BDH1: variants seen among roughly 807,000 people sequenced by gnomAD.
BDH1 encodes the protein D-beta-hydroxybutyrate dehydrogenase, mitochondrial.
Under a neutral mutation model 33.1 loss-of-function variants are expected in BDH1, and 30 were observed. The observed-to-expected ratio is 0.91, with a 90% CI of 0.68 to 1.23. The LOEUF (loss-of-function observed/expected upper bound fraction) is 1.23, where lower values mean the gene tolerates loss of function less well. BDH1 is among the 50% of genes most tolerant of loss of function. BDH1 has a pLI of 0.00. For missense variants in BDH1, 443 were observed against 464.4 expected (o/e 0.95, Z 0.42); for synonymous variants, 190 against 183.6 (o/e 1.03, Z -0.28).
chr3:197,522,085 G>A lies in BDH1; in HGVS notation c.409+555C>T, dbSNP rs951838304. Among the ~76,000 whole-genome samples the A allele has an allele frequency of 1.3e-5, 2 of 152,002 alleles. No individual in the cohort carries two copies. The highest frequency in any genetic ancestry group is 2.9e-5 in the Non-Finnish European group (2 of 67,992). ...TCCCACCACTTGACCAACAGCCCCC[G>A]CTACCCTCCCCGTGCTCCTCGAAGC... On this transcript the variant is annotated intron_variant, in intron 6 of 7. Transcript: ENST00000392379. The surrounding 1 kb of genome is among the most constrained non-coding windows in gnomAD (Gnocchi z 4.8).
At chr3:197,569,137 T>C (rs1400157004) in intron 1 of BDH1, among the ~76,000 whole-genome samples, 1 of 152,226 alleles carries the variant, frequency 6.6e-6, no homozygotes, top group African/African-American at 2.4e-5. Context: ...CACCCAAGTC[T>C]GTCCTACTCC....
At chr3:197,566,946 AC>A (rs1717451839) in intron 1 of BDH1, among the ~76,000 whole-genome samples, 1 of 152,180 alleles carries the variant, frequency 6.6e-6, no homozygotes, top group Admixed American at 6.5e-5. Flanking sequence ...AATAATAGCA[AC>A]CTTATTTACA....
In BDH1 at chr3:197,516,065, G is replaced by A. The variant is rs2567330; in HGVS notation, c.410-1649C>T. Among the ~76,000 whole-genome samples the A allele has an allele frequency of 0.077, 11,753 of 152,184 alleles. 612 individuals carry two copies. The highest frequency in any genetic ancestry group is 0.14 in the Middle Eastern group (41 of 294). On this transcript the variant is annotated intron_variant, in intron 6 of 7. Transcript: ENST00000392379. The surrounding 1 kb of genome is among the most constrained non-coding windows in gnomAD (Gnocchi z 4.2). The stretch of plus-strand genomic sequence containing the variant: ...TCTTCACTCTCCTCAGGCTCGCTAC[G>A]ATATGAGTACTGCCAGTACTCCTTG...
At chr3:197,544,707 G>T (rs1214647021) in intron 3 of BDH1, among the ~76,000 whole-genome samples, 1 of 152,238 alleles carries the variant, frequency 6.6e-6, no homozygotes. Flanking sequence ...TCAGGTAGGT[G>T]GAGCCCCAGC....
At chr3:197,550,706 T>G (rs1224091142) in intron 2 of BDH1, among the ~76,000 whole-genome samples, 217 of 109,406 alleles carry the variant, frequency 2.0e-3, no homozygotes, top group African/African-American at 2.7e-3. Context: ...CTGCAGGGGG[T>G]GGGGGGATAA....
In BDH1 at chr3:197,554,327, C is replaced by T. The variant is rs762577653; in HGVS notation, c.-44+235G>A. On this transcript the variant is annotated intron_variant, in intron 2 of 7. Coordinates refer to ENST00000392379, the MANE Select transcript of BDH1 (RefSeq NM_203314.3). The surrounding 1 kb of genome is among the most constrained non-coding windows in gnomAD (Gnocchi z 4.4). ...CAAGCCCCCATCCTACCACCAATCC[C>T]CACCCGGACTGTGAGCACCCTACAG... 4 of 152,266 alleles carry T rather than the reference C, an allele frequency of 2.6e-5. No homozygotes were observed. The highest frequency in any genetic ancestry group is 5.9e-5 in the Non-Finnish European group (4 of 68,074). 9.4% of individuals were successfully genotyped at this position (152,266 alleles called of 1,614,324 possible). A position where few individuals can be genotyped will look rare whatever the true frequency, so the allele number is the denominator to read the frequency against.
At chr3:197,562,952 C>T (rs138775678) in intron 1 of BDH1, among the ~76,000 whole-genome samples, 74 of 152,208 alleles carry the variant, frequency 4.9e-4, no homozygotes, top group African/African-American at 1.7e-3. Flanking sequence ...GTTCCTAGTC[C>T]GTTTTTCTCT....
intron 5 of BDH1, chr3:197,529,111 C>T (rs375395557): frequency 3.9e-5 from 6 of 152,346 alleles, no homozygotes; most frequent in Middle Eastern, 6.8e-3. Flanking sequence ...CCTCCCCAGA[C>T]GGGTTCTCTT....
Position 197,512,193 on chromosome 3 carries a change from G to A in BDH1, c.734C>T (p.Thr245Ile). Residue 245 changes from threonine (T) to isoleucine (I), a missense_variant, in exon 8 of 8, where the codon ACC (threonine) becomes ATC (isoleucine). Physicochemically the swap from Thr to Ile is moderately conservative, Grantham distance 89 (BLOSUM62 -1). Coordinates refer to ENST00000392379, the MANE Select transcript of BDH1 (RefSeq NM_203314.3). The stretch of plus-strand genomic sequence containing the variant: ...AATGCTCTCAGGGCTGTAAAGGCTG[G>A]TGGCAGCGATGAAGTTGCCGGGCTC... ...VVEPGNFIAA[T>I]SLYSPESIQA... 1 of 1,614,078 alleles carries A rather than the reference G, an allele frequency of 6.2e-7. No homozygotes were observed. Among genetic ancestry groups the A allele is most frequent in the African/African-American group, 1.3e-5 (1 of 75,042 alleles).
chr3:197,518,411 C>G (rs1173125615), intron 6 of BDH1, among the ~76,000 whole-genome samples: 1 of 31,508 alleles, frequency 3.2e-5, no homozygotes, highest in African/African-American at 1.3e-4. Flanking sequence ...TCCATCCCCC[C>G]CTCAGGCCGA....
At chr3:197,562,758 GA>G (rs560572174) in intron 1 of BDH1, among the ~76,000 whole-genome samples, 33 of 140,668 alleles carry the variant, frequency 2.3e-4, no homozygotes, top group African/African-American at 2.3e-4. Context: ...TTCCTTTTAA[GA>G]AAAAAAAAAA....
At chr3:197,547,058 T>C (rs1305218665) in intron 2 of BDH1, among the ~76,000 whole-genome samples, 1 of 152,158 alleles carries the variant, frequency 6.6e-6, no homozygotes, top group Non-Finnish European at 1.5e-5. Context: ...TAATTCATTA[T>C]AGCATAGAGT....
chr3:197,549,588 C>G (rs1337926710), intron 2 of BDH1, among the ~76,000 whole-genome samples: 1 of 152,190 alleles, frequency 6.6e-6, no homozygotes, highest in Non-Finnish European at 1.5e-5. Context: ...GACATGAAGC[C>G]TACATGGGCC....
intron 5 of BDH1, 142 bp downstream of exon 5, chr3:197,532,270 C>G (rs1019752139): frequency 2.0e-5 from 13 of 656,360 alleles, no homozygotes; most frequent in Non-Finnish European, 3.0e-5. Flanking sequence ...CTATGAAGAA[C>G]AAGTGGGACT....
intron 1 of BDH1, among the ~76,000 whole-genome samples, chr3:197,568,472 T>C (rs972072251): frequency 6.6e-6 from 1 of 152,074 alleles, no homozygotes; most frequent in African/African-American, 2.4e-5. Context: ...CAGCTGATCT[T>C]AACGTGACTG....
chr3:197,554,795 C>G lies in BDH1; in HGVS notation c.-195-82G>C, dbSNP rs1007722699. The G allele has an allele frequency of 1.3e-5, 2 of 152,174 alleles. No homozygotes were observed. The highest frequency in any genetic ancestry group is 2.9e-5 in the Non-Finnish European group (2 of 68,044). The allele number at this position is 152,174 out of a possible 1,614,324, so 9.4% of individuals were successfully genotyped here. A position where few individuals can be genotyped will look rare whatever the true frequency, so the allele number is the denominator to read the frequency against. On this transcript the variant is annotated intron_variant, in intron 1 of 7. Transcript: ENST00000392379. This position sits in a 1 kb window ranked among gnomAD's most constrained non-coding sequence, Gnocchi z 4.4. ...TCCCCAGAAGGGCGCAGCCTGGAGG[C>G]GGCCGCGCGCAGGACGCACGCCCAA...
rs866107498 is a variant in BDH1, at chr3:197,564,319, T to A, written c.-44+8862A>T. On this transcript the variant is annotated intron_variant, in intron 1 of 6. Coordinates refer to the BDH1 transcript ENST00000358186. ...TAAGTCACAATAAGAGGATTTATTT[T>A]AAAAAAACCTATATGATCAAGTTGT... Among the ~76,000 whole-genome samples the A allele has an allele frequency of 3.9e-3, 586 of 151,876 alleles. 3 individuals are homozygous for A. Among genetic ancestry groups the A allele is most frequent in the African/African-American group, 0.013 (549 of 41,344 alleles).
At chr3:197,546,229 G>A (rs1716067024) in intron 3 of BDH1, 132 bp downstream of exon 3, 1 of 854,124 alleles carries the variant, frequency 1.2e-6, no homozygotes, top group Non-Finnish European at 1.9e-6. Context: ...AGTTTCCTCT[G>A]CTGGGAGACA....
chr3:197,541,601 T>C (rs1451631393), intron 3 of BDH1, among the ~76,000 whole-genome samples: 1 of 152,162 alleles, frequency 6.6e-6, no homozygotes, highest in Non-Finnish European at 1.5e-5. Context: ...GGGATCAATA[T>C]ACAGCTTTCT....
Sources: allele counts gnomAD v4.1 joint callset (sites outside exome capture counted in the v4.1 genomes callset), GRCh38; gene constraint gnomAD v4.1.1; non-coding constraint Gnocchi (gnomAD v3.1); transcripts MANE v1.5; gene names NCBI Gene and HGNC (gene_info 2026-07-23, HGNC 2026-07-21).